Variants in STK32C observed in about 807,000 individuals in gnomAD.
STK32C encodes the protein serine/threonine kinase 32C.
In STK32C, 31 loss-of-function variants were observed where a neutral mutation model predicts 56.5. That is an observed-to-expected ratio of 0.55 (90% CI 0.41 to 0.74). The LOEUF is 0.74. Among genes scored for constraint, STK32C ranks in the 30% least tolerant of loss-of-function variants. The probability of loss-of-function intolerance (pLI) is 0.00; values close to 1 mark genes in which losing one functional copy is unlikely to be tolerated. For missense variants in STK32C, 544 were observed against 676.9 expected, an observed-to-expected ratio of 0.80 and a Z score of 2.18; for synonymous variants, 309 against 289.4, an observed-to-expected ratio of 1.07 and a Z score of -0.69.
intron 1 of STK32C, among the ~76,000 whole-genome samples, chr10:132,326,431 G>C (rs1003404462): frequency 4.5e-4 from 68 of 152,272 alleles, no homozygotes; most frequent in African/African-American, 1.6e-3. Flanking sequence ...TGCTGGATTC[G>C]AGTAATTCTT....
chr10:132,219,973 C>T (rs544353761), intron 10 of STK32C, among the ~76,000 whole-genome samples: 16 of 152,216 alleles, frequency 1.1e-4, no homozygotes, highest in African/African-American at 1.9e-4. Context: ...GGGTCATCAC[C>T]GTCACCCTGA....
chr10:132,238,386 C>T (rs1590219719), intron 2 of STK32C, among the ~76,000 whole-genome samples: 3 of 152,190 alleles, frequency 2.0e-5, no homozygotes, highest in Non-Finnish European at 2.9e-5. Context: ...CATGCCACAC[C>T]GTGGGGCCAC....
chr10:132,257,419 C>T (rs535844916), intron 1 of STK32C, among the ~76,000 whole-genome samples: 1 of 152,152 alleles, frequency 6.6e-6, no homozygotes, highest in South Asian at 2.1e-4. Flanking sequence ...GGCCAGCGGG[C>T]TGTGGTCATT....
intron 10 of STK32C, among the ~76,000 whole-genome samples, chr10:132,221,266 A>C (rs1175980099): frequency 1.3e-5 from 2 of 151,164 alleles, no homozygotes; most frequent in Admixed American, 6.6e-5. Flanking sequence ...CCATCCCCAC[A>C]CACACAACTG....
At chr10:132,243,312 C>T (rs1324105932) in intron 2 of STK32C, among the ~76,000 whole-genome samples, 19 of 152,192 alleles carry the variant, frequency 1.2e-4, no homozygotes, top group South Asian at 2.1e-4. Flanking sequence ...TCTCAGACAC[C>T]GCAGCCTCTG....
chr10:132,302,854 G>A (rs371749907), intron 1 of STK32C, among the ~76,000 whole-genome samples: 3 of 152,206 alleles, frequency 2.0e-5, no homozygotes, highest in Admixed American at 1.3e-4. Flanking sequence ...CATGAGCTCC[G>A]GCAACACCAT....
chr10:132,255,545 G>A lies in STK32C; in HGVS notation c.263-9590C>T, dbSNP rs1416120999. Among the ~76,000 whole-genome samples, 1 of 152,206 alleles carries A rather than the reference G, an allele frequency of 6.6e-6. No individual in the cohort carries two copies. The highest frequency in any genetic ancestry group is 2.4e-5 in the African/African-American group (1 of 41,444). On this transcript the variant is annotated intron_variant, in intron 1 of 11. Transcript: ENST00000298630. The surrounding 1 kb of genome is among the most constrained non-coding windows in gnomAD (Gnocchi z 4.6). ...ATGAGAGCCGCTGGGCAGGGGTGAG[G>A]AGGCTCCCGAGTTACAGCGGAGAAC...
chr10:132,224,025 C>G (rs1017311457), intron 8 of STK32C, among the ~76,000 whole-genome samples: 5 of 152,220 alleles, frequency 3.3e-5, no homozygotes, highest in African/African-American at 1.2e-4. Context: ...CCGGAGATAG[C>G]ATGGGCTTGA....
chr10:132,226,565 A>G (rs2306981), intron 4 of STK32C, among the ~76,000 whole-genome samples: 7,892 of 152,270 alleles, frequency 0.052, 456 homozygotes, highest in African/African-American at 0.14. Context: ...GCCCAGTCTC[A>G]GCTGGGGCTG....
intron 1 of STK32C, among the ~76,000 whole-genome samples, chr10:132,253,260 CAT>C (rs1335410744): frequency 1.3e-5 from 2 of 152,246 alleles, no homozygotes; most frequent in African/African-American, 4.8e-5. Flanking sequence ...GGCCCAACCA[CAT>C]GTCTGCCTGG....
intron 10 of STK32C, among the ~76,000 whole-genome samples, chr10:132,219,295 T>C (rs1262907563): frequency 6.6e-6 from 1 of 152,048 alleles, no homozygotes. Context: ...AGTGATGCTT[T>C]CCTTTCAGAA....
intron 1 of STK32C, among the ~76,000 whole-genome samples, chr10:132,302,232 C>T (rs2065930758): frequency 6.6e-6 from 1 of 152,240 alleles, no homozygotes; most frequent in South Asian, 2.1e-4. Flanking sequence ...CCAAGGCATC[C>T]TCGCATTACT....
chr10:132,331,421 C>A (rs1242609540), intron 1 of STK32C: 2 of 1,602,924 alleles, frequency 1.2e-6, no homozygotes, highest in Non-Finnish European at 1.7e-6. Flanking sequence ...CAAAACCCTT[C>A]CTCAGGACAC....
intron 1 of STK32C, among the ~76,000 whole-genome samples, chr10:132,316,180 C>T (rs899549766): frequency 3.3e-5 from 5 of 151,530 alleles, no homozygotes; most frequent in Admixed American, 2.6e-4. Context: ...TTTTTATTTG[C>T]CAATTAAAAA....
upstream of STK32C, among the ~76,000 whole-genome samples, chr10:132,312,663 A>G (rs1015140737): frequency 6.6e-6 from 1 of 152,238 alleles, no homozygotes; most frequent in Non-Finnish European, 1.5e-5. Flanking sequence ...ATGCTGCACT[A>G]CGTAAACTAA....
intron 10 of STK32C, among the ~76,000 whole-genome samples, chr10:132,211,948 C>T (rs1430508818): frequency 1.3e-5 from 2 of 152,070 alleles, no homozygotes; most frequent in Non-Finnish European, 1.5e-5. Context: ...CCAGGAATCC[C>T]CATCTCAGGG....
intron 11 of STK32C, among the ~76,000 whole-genome samples, chr10:132,208,796 T>A: frequency 6.6e-6 from 1 of 152,034 alleles, no homozygotes; most frequent in East Asian, 1.9e-4. Flanking sequence ...TCTGGGCAAA[T>A]GATGTGTCTC....
At chr10:132,243,568 C>T (rs936929504) in intron 2 of STK32C, among the ~76,000 whole-genome samples, 1 of 152,212 alleles carries the variant, frequency 6.6e-6, no homozygotes, top group Non-Finnish European at 1.5e-5. Context: ...CCGGACAGAA[C>T]CGGGGGCACC....
chr10:132,238,212 G>A (rs562198737), intron 2 of STK32C, among the ~76,000 whole-genome samples: 4 of 152,260 alleles, frequency 2.6e-5, no homozygotes, highest in South Asian at 2.1e-4. Flanking sequence ...AGCTGCTCTC[G>A]GAGGCCCCCA....
Sources: allele counts gnomAD v4.1 joint callset (sites outside exome capture counted in the v4.1 genomes callset), GRCh38; gene constraint gnomAD v4.1.1; non-coding constraint Gnocchi (gnomAD v3.1); transcripts MANE v1.5; gene names NCBI Gene and HGNC (gene_info 2026-07-23, HGNC 2026-07-21).